Variants in PTN observed in about 807,000 individuals in gnomAD.
PTN encodes heparin affin regulatory protein.
PTN carries 18 observed loss-of-function variants against 24.1 expected under a neutral mutation model. The observed-to-expected ratio is 0.75, with a 90% CI of 0.52 to 1.11. PTN has a LOEUF of 1.11. Among genes scored for constraint, PTN ranks in the 50% least tolerant of loss-of-function variants. The pLI is 0.00. For missense variants in PTN, 163 were observed against 198.8 expected (o/e 0.82, Z 1.08); for synonymous variants, 78 against 68.6 (o/e 1.14, Z -0.67).
intron 4 of PTN, among the ~76,000 whole-genome samples, chr7:137,228,990 T>A (rs1362825236): frequency 1.3e-5 from 2 of 151,986 alleles, no homozygotes; most frequent in Middle Eastern, 3.4e-3. Flanking sequence ...GTTTAAATCC[T>A]GGCCACATCA....
chr7:137,231,159 G>A (rs1285459060), intron 4 of PTN, among the ~76,000 whole-genome samples: 1 of 151,966 alleles, frequency 6.6e-6, no homozygotes, highest in Admixed American at 6.6e-5. Context: ...ACTCTCTGTT[G>A]TACCTCCAAC....
intron 4 of PTN, among the ~76,000 whole-genome samples, chr7:137,243,817 A>G (rs1388938489): frequency 6.6e-6 from 1 of 152,144 alleles, no homozygotes; most frequent in Non-Finnish European, 1.5e-5. Flanking sequence ...TCTAAGCATT[A>G]TATGTGCTGA....
At chr7:137,288,238 G>A (rs763127390) in intron 1 of PTN, among the ~76,000 whole-genome samples, 5 of 152,130 alleles carry the variant, frequency 3.3e-5, no homozygotes, top group Non-Finnish European at 7.4e-5. Context: ...AATTTGCTCA[G>A]ATGAGTTAAT....
At chr7:137,262,446 T>C (rs1451395887) in intron 1 of PTN, among the ~76,000 whole-genome samples, 1 of 152,176 alleles carries the variant, frequency 6.6e-6, no homozygotes, top group South Asian at 2.1e-4. Context: ...TAATTTGTGA[T>C]GCTCTTTTAC....
chr7:137,328,985 T>G (rs948702522), intron 1 of PTN, among the ~76,000 whole-genome samples: 1 of 152,096 alleles, frequency 6.6e-6, no homozygotes, highest in Admixed American at 6.6e-5. Flanking sequence ...AATAGGGGAA[T>G]GGAGGTAGAA....
At chr7:137,265,698 C>T (rs1809131135) in intron 1 of PTN, among the ~76,000 whole-genome samples, 2 of 152,212 alleles carry the variant, frequency 1.3e-5, no homozygotes, top group Admixed American at 1.3e-4. Flanking sequence ...GGAGGACCAT[C>T]TTAGTGGAAG....
At chr7:137,243,030 G>C (rs1050905599) in intron 4 of PTN, among the ~76,000 whole-genome samples, 1 of 152,200 alleles carries the variant, frequency 6.6e-6, no homozygotes, top group Admixed American at 6.5e-5. Flanking sequence ...TCTGCCTCCT[G>C]GGTTCAAGCG....
chr7:137,312,448 A>G (rs796678421), intron 1 of PTN, among the ~76,000 whole-genome samples: 7 of 152,302 alleles, frequency 4.6e-5, no homozygotes, highest in African/African-American at 1.7e-4. Context: ...CCTGTTGACA[A>G]TTTGCCTGGG....
chr7:137,320,429 A>G (rs967093831), intron 1 of PTN, among the ~76,000 whole-genome samples: 19 of 152,234 alleles, frequency 1.2e-4, no homozygotes, highest in African/African-American at 4.6e-4. Flanking sequence ...TCACACTTCT[A>G]GGAAATTTAG....
chr7:137,313,091 A>G (rs1304242303), intron 1 of PTN, among the ~76,000 whole-genome samples: 4 of 149,208 alleles, frequency 2.7e-5, no homozygotes, highest in African/African-American at 9.9e-5. Context: ...CCTCTCATTC[A>G]TCTTGCTGAA....
chr7:137,324,748 T>C (rs1454901591), intron 1 of PTN: 2 of 152,148 alleles, frequency 1.3e-5, no homozygotes, highest in Non-Finnish European at 2.9e-5. Context: ...TGAAGAAATC[T>C]TGGAGAAGTC....
At chr7:137,248,028 G>T (rs534008400) in intron 4 of PTN, among the ~76,000 whole-genome samples, 4 of 151,984 alleles carry the variant, frequency 2.6e-5, no homozygotes, top group Non-Finnish European at 4.4e-5. Flanking sequence ...ATACCCACCC[G>T]CAAGGATATA....
chr7:137,256,722 T>C (rs1808932623), intron 1 of PTN, among the ~76,000 whole-genome samples: 1 of 152,106 alleles, frequency 6.6e-6, no homozygotes, highest in East Asian at 1.9e-4. Context: ...TGGTTCTAGA[T>C]CCTCAAGGAA....
intron 1 of PTN, among the ~76,000 whole-genome samples, chr7:137,273,762 A>G (rs1809314205): frequency 6.6e-6 from 1 of 152,176 alleles, no homozygotes; most frequent in Non-Finnish European, 1.5e-5. Context: ...TGGAGAAGAG[A>G]CAAGGAAAGA....
intron 1 of PTN, among the ~76,000 whole-genome samples, chr7:137,338,763 G>A (rs320719): frequency 0.39 from 58,736 of 151,976 alleles, 11,626 homozygotes; most frequent in South Asian, 0.47. Context: ...TAAAATAACA[G>A]GAAGTCCTTT....
At chr7:137,230,893 T>C (rs1476227407) in intron 4 of PTN, among the ~76,000 whole-genome samples, 1 of 151,864 alleles carries the variant, frequency 6.6e-6, no homozygotes, top group Non-Finnish European at 1.5e-5. Flanking sequence ...CCCAAATACA[T>C]CTTTTCTCTT....
intron 4 of PTN, among the ~76,000 whole-genome samples, chr7:137,249,105 G>T (rs548366098): frequency 1.3e-5 from 2 of 152,018 alleles, no homozygotes; most frequent in African/African-American, 2.4e-5. Flanking sequence ...ATCGTTTAGG[G>T]TTCTATCTTA....
At chr7:137,329,115 A>AG (rs1810309065) in intron 1 of PTN, among the ~76,000 whole-genome samples, 1 of 152,184 alleles carries the variant, frequency 6.6e-6, no homozygotes, top group African/African-American at 2.4e-5. Context: ...TCATTTAGGA[A>AG]GAAAAATAGT....
At chr7:137,236,283 A>G in intron 4 of PTN, 1 of 701,974 alleles carries the variant, frequency 1.4e-6, no homozygotes, top group Non-Finnish European at 2.6e-6. Flanking sequence ...TCTCCAAATC[A>G]TAAAGGGCCC....
Sources: gnomAD v4.1 joint callset for allele counts (sites outside exome capture counted in the v4.1 genomes callset) on GRCh38, gnomAD v4.1.1 for gene constraint, MANE v1.5 for transcripts, NCBI Gene and HGNC (gene_info 2026-07-23, HGNC 2026-07-21) for gene names.